Variants in TOP3A observed in about 807,000 individuals in gnomAD.
The protein encoded by TOP3A is DNA topoisomerase III alpha.
Under a neutral mutation model 111.3 loss-of-function variants are expected in TOP3A, and 64 were observed. The ratio of observed to expected loss-of-function variants is 0.57; its 90% CI spans 0.47 to 0.71. The LOEUF is 0.71. Ranked by LOEUF, TOP3A falls within the 30% of genes least tolerant of loss-of-function variation. The pLI, the probability that TOP3A is intolerant of heterozygous loss-of-function variation, is 0.00. For synonymous variants in TOP3A, 484 were observed against 485.1 expected (o/e 1.00, Z 0.03); for missense variants, 1,104 against 1,285.0 (o/e 0.86, Z 2.15).
At chr17:18,307,021 A>T in intron 3 of TOP3A, 55 bp from the exon 4 acceptor site, 3 of 1,310,408 alleles carry the variant, frequency 2.3e-6, no homozygotes, top group South Asian at 2.4e-5. Flanking sequence ...AGAGCCCTCC[A>T]ATCTAATGAC....
chr17:18,276,743 A>G (rs1322852282), intron 18 of TOP3A, among the ~76,000 whole-genome samples: 2 of 152,180 alleles, frequency 1.3e-5, no homozygotes, highest in Non-Finnish European at 2.9e-5. Context: ...AGCAGGAGGA[A>G]CCATTCAAAG....
chr17:18,307,150 G>C, intron 3 of TOP3A, 184 bp from the exon 4 acceptor site: 1 of 484,662 alleles, frequency 2.1e-6, no homozygotes. Context: ...GTGTGAACAG[G>C]ACTGATAAGA....
chr17:18,291,330 G>A (rs1380717462), intron 11 of TOP3A, among the ~76,000 whole-genome samples: 1 of 152,234 alleles, frequency 6.6e-6, no homozygotes, highest in East Asian at 1.9e-4. Flanking sequence ...TAAGAAGTTA[G>A]CAAGACACTC....
At chr17:18,280,221 G>A (rs1201629738) in intron 17 of TOP3A, 2 of 173,306 alleles carry the variant, frequency 1.2e-5, no homozygotes, top group East Asian at 1.5e-4. Context: ...CCCAAGCTTG[G>A]ATGTTGTATT....
intron 1 of TOP3A, among the ~76,000 whole-genome samples, chr17:18,309,860 C>A (rs948086170): frequency 1.3e-5 from 2 of 150,660 alleles, no homozygotes; most frequent in Non-Finnish European, 3.0e-5. Flanking sequence ...CAGGCACCTG[C>A]CACCACGCCC....
intron 5 of TOP3A, among the ~76,000 whole-genome samples, chr17:18,304,076 T>A (rs1164553313): frequency 6.6e-6 from 1 of 152,208 alleles, no homozygotes; most frequent in Non-Finnish European, 1.5e-5. Context: ...GCAATTCTCC[T>A]GCCTTGGTCT....
chr17:18,274,985 C>G lies in TOP3A; in HGVS notation c.2828-5G>C, dbSNP rs762149925. The G allele has an allele frequency of 6.2e-7, 1 of 1,612,686 alleles. No individual in the cohort carries two copies. Among genetic ancestry groups the G allele is most frequent in the East Asian group, 2.2e-5 (1 of 44,854 alleles). ...AGGACGGGGCTCCAGAAGTCCCTGTCGGGAGAGTCAGGGGAGGGGTGAGGT... is the reference window on the plus strand; with the variant it reads ...AGGACGGGGCTCCAGAAGTCCCTGTGGGGAGAGTCAGGGGAGGGGTGAGGT... On this transcript the variant is annotated splice_polypyrimidine_tract_variant and splice_region_variant and intron_variant, in intron 18 of 18. Transcript: ENST00000321105.
Position 18,292,836 on chromosome 17 carries a change from G to A in TOP3A, c.1090C>T (p.Arg364Ter), listed in dbSNP as rs1400932742. Residue 364 changes from arginine to a stop codon, truncating the protein, a stop_gained, in exon 11 of 19, where the codon CGA becomes TGA. Transcript: ENST00000321105. LOFTEE classifies it high-confidence loss of function. The stretch of plus-strand genomic sequence containing the variant: ...CTGGGAAAAATGTTTGTTTCTGTTC[G>A]GGGATAGCTGATGTACCTAAAACCA... ...LYTQGYISYP[R>*]TETNIFPRDL... is the part of the protein sequence containing the mutation. The A allele has an allele frequency of 1.9e-6, 3 of 1,612,754 alleles. No individual in the cohort carries two copies. The highest frequency in any genetic ancestry group is 1.3e-5 in the African/African-American group (1 of 74,888).
chr17:18,282,317 G>C (rs1329156117), intron 16 of TOP3A, among the ~76,000 whole-genome samples: 1 of 152,064 alleles, frequency 6.6e-6, no homozygotes, highest in East Asian at 1.9e-4. Context: ...AAGAAATTGG[G>C]GTTCAGAGCA....
At chr17:18,308,256 A>T in intron 3 of TOP3A, 95 bp downstream of exon 3, 2 of 444,096 alleles carry the variant, frequency 4.5e-6, no homozygotes, top group Non-Finnish European at 7.6e-6. Context: ...AAAAAAAAAA[A>T]AAATTACCCA....
In TOP3A at chr17:18,277,835, A is replaced by G; in HGVS notation, c.2667T>C (p.Asp889=). The change falls in exon 18 of 19, where the codon GAT becomes GAC. Residue 889 remains aspartate (D), a synonymous_variant. Transcript: ENST00000321105. ...GGCAGGATGTGCCACTACCACTGCC[A>G]TCACCAGGGTTGCCAAACCCACCTA... ...IHLGGFGNPG[D]GSGSGTSCLC... 6.2e-7 allele frequency: 1 copy of G among 1,614,124 alleles called. No homozygotes were observed.
At chr17:18,309,560 C>G (rs981697937) in intron 1 of TOP3A, among the ~76,000 whole-genome samples, 3 of 151,848 alleles carry the variant, frequency 2.0e-5, no homozygotes, top group African/African-American at 7.3e-5. Context: ...AGGAGAATCA[C>G]TTGAGCCCAG....
At chr17:18,281,929 C>T (rs528828262) in intron 16 of TOP3A, among the ~76,000 whole-genome samples, 2 of 152,300 alleles carry the variant, frequency 1.3e-5, no homozygotes, top group African/African-American at 2.4e-5. Context: ...AAATCCCTGC[C>T]TTGCAGGGTA....
Position 18,274,828 on chromosome 17 carries a change from G to A in TOP3A, c.2980C>T (p.Arg994Cys), listed in dbSNP as rs148114148. The change falls in exon 19 of 19, where the codon CGT becomes TGT. Residue 994 changes from arginine to cysteine, a missense_variant. Arg to Cys is a radical substitution (Grantham distance 180, BLOSUM62 -3). Coordinates refer to ENST00000321105, the MANE Select transcript of TOP3A (RefSeq NM_004618.5). ...CSLCHQPGHT[R>C]PFCPQNR Reference sequence around the variant, plus strand: ...CATCTGTTCTGAGGACAAAAGGGACGGGTGTGTCCAGGCTGGTGGCAAAGG... The same window carrying A: ...CATCTGTTCTGAGGACAAAAGGGACAGGTGTGTCCAGGCTGGTGGCAAAGG... 36 of 1,614,030 alleles carry A rather than the reference G, an allele frequency of 2.2e-5. No homozygotes were observed. The African/African-American group carries it at 3.1e-4, about 14-fold the overall frequency.
In TOP3A at chr17:18,272,520, C is replaced by T. The variant is rs1226006001; in HGVS notation, c.*2282G>A. ...CACAATAGCCAAAAAGTGGAAACAA[C>T]CCAATGTCCATCAACTGACAAATGG... On this transcript the variant is annotated 3_prime_UTR_variant, in exon 19 of 19. Transcript: ENST00000321105. Among the ~76,000 whole-genome samples the T allele has an allele frequency of 8.5e-5, 13 of 152,182 alleles. No individual in the cohort carries two copies. Among genetic ancestry groups the T allele is most frequent in the Admixed American group, 8.5e-4 (13 of 15,266 alleles).
At chr17:18,304,110 G>A (rs900424160) in intron 5 of TOP3A, among the ~76,000 whole-genome samples, 26 of 151,936 alleles carry the variant, frequency 1.7e-4, no homozygotes, top group African/African-American at 5.1e-4. Flanking sequence ...GACTACAGGC[G>A]CCCGCCACCA....
chr17:18,287,620 G>C (rs1402146533), intron 13 of TOP3A, among the ~76,000 whole-genome samples: 2 of 152,032 alleles, frequency 1.3e-5, no homozygotes, highest in Admixed American at 6.6e-5. Context: ...GGAAGCTGAG[G>C]TGGAAGGATC....
Position 18,314,708 on chromosome 17 carries a change from G to A in TOP3A, c.71C>T (p.Ala24Val), listed in dbSNP as rs2142992781. The change falls in exon 1 of 19, where the codon GCC becomes GTC. Residue 24 changes from alanine to valine, a missense_variant. Ala to Val is a moderately conservative substitution (Grantham distance 64). Transcript: ENST00000321105. ...GCCTCGGAGGGCCATCTCCATGGCGGCGCGGGAAAAGGCACGGTCTTCGGG... is the reference window on the plus strand; with the variant it reads ...GCCTCGGAGGGCCATCTCCATGGCGACGCGGGAAAAGGCACGGTCTTCGGG... ...RRPEDRAFSR[A>V]AMEMALRGVR... The A allele has an allele frequency of 6.2e-6, 10 of 1,607,330 alleles. No homozygotes were observed. The South Asian group carries it at 1.0e-4, about 16-fold the overall frequency.
rs1347837383 is a variant in TOP3A, at chr17:18,272,615, A to G, written c.*2187T>C. On this transcript the variant is annotated 3_prime_UTR_variant, in exon 19 of 19. Transcript: ENST00000321105. ...AAACATCGAGGACTGACATGCTACA[A>G]TGTGGATGAGCCTGACAAACATCAG... is the stretch of plus-strand genomic sequence containing the variant. 6.6e-6 allele frequency among the ~76,000 whole-genome samples: 1 copy of G among 152,162 alleles called. No individual in the cohort carries two copies. Among genetic ancestry groups the G allele is most frequent in the Non-Finnish European group, 1.5e-5 (1 of 68,026 alleles).
Sources: allele counts gnomAD v4.1 joint callset (sites outside exome capture counted in the v4.1 genomes callset), GRCh38; gene constraint gnomAD v4.1.1; transcripts MANE v1.5; gene names NCBI Gene and HGNC (gene_info 2026-07-23, HGNC 2026-07-21).